Variants in ZNF84 observed in about 807,000 individuals in gnomAD.
ZNF84 encodes zinc finger protein 84, also known as zinc finger protein HPF2.
Under a neutral mutation model 14.8 loss-of-function variants are expected in ZNF84, and 12 were observed. That is an observed-to-expected ratio of 0.81 (90% confidence interval 0.52 to 1.31). The LOEUF (loss-of-function observed/expected upper bound fraction) is 1.31, where lower values mean the gene tolerates loss of function less well. Ranked by LOEUF, ZNF84 falls within the 50% of genes most tolerant of loss-of-function variation. The probability of loss-of-function intolerance (pLI) is 0.00; values close to 1 mark genes in which losing one functional copy is unlikely to be tolerated. For synonymous variants in ZNF84, 347 were observed against 291.1 expected, an observed-to-expected ratio of 1.19 and a Z score of -1.96; for missense variants, 859 against 878.6, an observed-to-expected ratio of 0.98 and a Z score of 0.28.
In ZNF84 at chr12:133,061,123, C is replaced by G. The variant is rs1475433536; in HGVS notation, c.*2191C>G. ...AGCCAAATAATTCTGTCTTTCCATGCTGTAATTTTAAAGCATTTAATTTTC... is the reference window on the plus strand; with the variant it reads ...AGCCAAATAATTCTGTCTTTCCATGGTGTAATTTTAAAGCATTTAATTTTC... On this transcript the variant is annotated 3_prime_UTR_variant, in exon 5 of 5. Transcript: ENST00000539354. The G allele has an allele frequency of 6.6e-6, 1 of 152,158 alleles. No homozygotes were observed. The highest frequency in any genetic ancestry group is 1.5e-5 in the Non-Finnish European group (1 of 68,036). The allele number at this position is 152,158 out of a possible 1,614,324, so 9.4% of individuals were successfully genotyped here.
chr12:133,055,791 A>G (rs1344622162), intron 4 of ZNF84, among the ~76,000 whole-genome samples: 2 of 152,184 alleles, frequency 1.3e-5, no homozygotes, highest in Admixed American at 6.5e-5. Flanking sequence ...AGACCTGCTA[A>G]AAGTCCTCCA....
At chr12:133,037,898 T>G (rs1317892554) in intron 1 of ZNF84, 1 of 152,284 alleles carries the variant, frequency 6.6e-6, no homozygotes, top group African/African-American at 2.4e-5. Context: ...GCGGCTGCCC[T>G]GCTGGACCGC....
At chr12:133,052,580 C>A (rs1460530674) in intron 4 of ZNF84, among the ~76,000 whole-genome samples, 1 of 152,206 alleles carries the variant, frequency 6.6e-6, no homozygotes, top group Non-Finnish European at 1.5e-5. Flanking sequence ...AGTAATCTGC[C>A]TGCCTCAGCC....
chr12:133,037,874 C>A (rs1351568760), intron 1 of ZNF84: 1 of 152,394 alleles, frequency 6.6e-6, no homozygotes, highest in East Asian at 1.9e-4. Context: ...CTTGCCGCGC[C>A]GTGGCCCTAA....
intron 3 of ZNF84, chr12:133,048,292 G>A (rs1954018050): frequency 2.2e-6 from 1 of 449,286 alleles, no homozygotes; most frequent in Non-Finnish European, 4.0e-6. Flanking sequence ...TTGTCATGCA[G>A]CCTCTGAAAC....
Position 133,047,102 on chromosome 12 carries a change from AT to A in ZNF84, c.16-849del, listed in dbSNP as rs1467968367. ...AGGTGTGAGCCACCTTGCCTATCCT[AT>A]TTTCTTTCTTTTGCTACTACCTCTT... is the stretch of plus-strand genomic sequence containing the variant. On this transcript the variant is annotated intron_variant, in intron 2 of 4. Transcript: ENST00000539354. Among the ~76,000 whole-genome samples the A allele has an allele frequency of 4.0e-3, 605 of 151,266 alleles. 7 individuals are homozygous for A. Among genetic ancestry groups the A allele is most frequent in the African/African-American group, 0.013 (554 of 41,166 alleles).
chr12:133,050,970 G>T (rs1954058400), intron 4 of ZNF84, among the ~76,000 whole-genome samples: 1 of 152,178 alleles, frequency 6.6e-6, no homozygotes, highest in Non-Finnish European at 1.5e-5. Flanking sequence ...TGCCCAGGTT[G>T]CATTGCATTG....
At chr12:133,038,836 T>C (rs1264471633) in intron 1 of ZNF84, 1 of 152,192 alleles carries the variant, frequency 6.6e-6, no homozygotes, top group East Asian at 1.9e-4. Context: ...TCGGATTTTA[T>C]TTTTTTGTTA....
At chr12:133,047,856 A>G (rs1954008589) in intron 2 of ZNF84, 99 bp from the exon 3 acceptor site, 5 of 1,376,694 alleles carry the variant, frequency 3.6e-6, no homozygotes, top group Non-Finnish European at 5.0e-6. Context: ...GGCATTTTGT[A>G]TAACTTGTTA....
At chr12:133,042,946 C>T (rs1415747713) in intron 2 of ZNF84, among the ~76,000 whole-genome samples, 1 of 152,206 alleles carries the variant, frequency 6.6e-6, no homozygotes, top group Non-Finnish European at 1.5e-5. Context: ...CCTCTTCCTC[C>T]TGACAGAGGT....
chr12:133,044,664 C>T (rs1199222517), intron 2 of ZNF84, among the ~76,000 whole-genome samples: 2 of 151,900 alleles, frequency 1.3e-5, no homozygotes, highest in Admixed American at 1.3e-4. Flanking sequence ...ACCTGTAATC[C>T]CAGCACTTTG....
At chr12:133,045,646 A>G (rs1444547719) in intron 2 of ZNF84, among the ~76,000 whole-genome samples, 1 of 152,184 alleles carries the variant, frequency 6.6e-6, no homozygotes, top group Non-Finnish European at 1.5e-5. Flanking sequence ...CTCAAAAAAG[A>G]AAGAAAGAAA....
rs1302390827 is a variant in ZNF84, at chr12:133,061,479, AAG to A, written c.*2549_*2550del. On this transcript the variant is annotated 3_prime_UTR_variant, in exon 5 of 5. Coordinates refer to ENST00000539354, the MANE Select transcript of ZNF84 (RefSeq NM_001289971.2). ...GCCTCTGTCAAAAAAAGAAAAGAAA[AAG>A]AACTTCCTACTTTTTAATATCTCAA... 6.6e-6 allele frequency: 1 copy of A among 152,140 alleles called. No individual in the cohort carries two copies. Among genetic ancestry groups the A allele is most frequent in the Non-Finnish European group, 1.5e-5 (1 of 68,014 alleles). 9.4% of individuals were successfully genotyped at this position (152,140 alleles called of 1,614,324 possible).
chr12:133,042,105 T>C (rs1953898324), intron 2 of ZNF84, among the ~76,000 whole-genome samples: 2 of 152,194 alleles, frequency 1.3e-5, no homozygotes, highest in African/African-American at 4.8e-5. Flanking sequence ...CTGTATATGC[T>C]GCTTACCTGT....
intron 1 of ZNF84, chr12:133,038,834 TA>T (rs1192576856): frequency 2.0e-5 from 3 of 152,206 alleles, no homozygotes; most frequent in Non-Finnish European, 2.9e-5. Context: ...AGTCGGATTT[TA>T]TTTTTTTGTT....
chr12:133,047,696 C>T (rs1052956582), intron 2 of ZNF84: 90 of 299,846 alleles, frequency 3.0e-4, no homozygotes, highest in African/African-American at 1.8e-3. Context: ...CACCTGTCTT[C>T]TCATGGCAGT....
intron 4 of ZNF84, among the ~76,000 whole-genome samples, chr12:133,055,826 C>T (rs1173651371): frequency 6.6e-6 from 1 of 152,254 alleles, no homozygotes; most frequent in African/African-American, 2.4e-5. Context: ...TGGCCCGGCG[C>T]AGTGGCTCAC....
intron 2 of ZNF84, 74 bp downstream of exon 2, chr12:133,041,556 A>G: frequency 6.7e-7 from 1 of 1,497,570 alleles, no homozygotes; most frequent in Non-Finnish European, 9.3e-7. Context: ...GTGAAAAAGA[A>G]AAGTTTAAAT....
chr12:133,053,254 A>G (rs1954100536), intron 4 of ZNF84, among the ~76,000 whole-genome samples: 1 of 152,200 alleles, frequency 6.6e-6, no homozygotes, highest in Admixed American at 6.5e-5. Flanking sequence ...TTTTTCTAAT[A>G]GGAAAAAAAG....
Sources: gnomAD v4.1 joint callset for allele counts (sites outside exome capture counted in the v4.1 genomes callset) on GRCh38, gnomAD v4.1.1 for gene constraint, MANE v1.5 for transcripts, NCBI Gene and HGNC (gene_info 2026-07-23, HGNC 2026-07-21) for gene names.